Variants in FARS2 observed in about 807,000 individuals in gnomAD.
FARS2 encodes phenylalanyl-tRNA synthetase 2, mitochondrial, also known as phenylalanine--tRNA ligase, mitochondrial.
Under a neutral mutation model 46.4 loss-of-function variants are expected in FARS2, and 40 were observed. The ratio of observed to expected loss-of-function variants is 0.86; its 90% confidence interval spans 0.67 to 1.12. The LOEUF is 1.12. FARS2 is among the 50% of genes most tolerant of loss of function. The pLI is 0.00. For synonymous variants in FARS2, 234 were observed against 214.9 expected (o/e 1.09, Z -0.78); for missense variants, 513 against 567.9 (o/e 0.90, Z 0.98).
chr6:5,444,284 T>C (rs4628147), intron 4 of FARS2, among the ~76,000 whole-genome samples: 2,906 of 151,950 alleles, frequency 0.019, 94 homozygotes, highest in African/African-American at 0.066. Context: ...CTGACCAACA[T>C]GGTGAAGCCC....
chr6:5,431,722 T>C (rs547201699), intron 4 of FARS2: 8 of 531,210 alleles, frequency 1.5e-5, no homozygotes, highest in Non-Finnish European at 3.1e-5. Flanking sequence ...GATTGAATTC[T>C]ACGCATATCT....
At position 5,327,317 on chromosome 6, in the gene FARS2, A is replaced by G. The variant is rs147964728; in HGVS notation, c.-21-41233A>G. Reference sequence around the variant, plus strand: ...TATGAAGAGTTGAAACATCTAGGAAAGGCTATACTATAGATTTTGGAGATT... The same window carrying G: ...TATGAAGAGTTGAAACATCTAGGAAGGGCTATACTATAGATTTTGGAGATT... On this transcript the variant is annotated intron_variant, in intron 1 of 6. Coordinates refer to ENST00000274680, the MANE Select transcript of FARS2 (RefSeq NM_006567.5). Among the ~76,000 whole-genome samples the G allele has an allele frequency of 8.3e-4, 127 of 152,328 alleles. 3 individuals are homozygous for G. The East Asian group carries it at 0.022, about 26-fold the overall frequency.
intron 6 of FARS2, among the ~76,000 whole-genome samples, chr6:5,681,262 A>G (rs1195356310): frequency 1.3e-5 from 2 of 152,230 alleles, no homozygotes; most frequent in East Asian, 1.9e-4. Context: ...ACAAGGAACT[A>G]TTTTGCAGGT....
At chr6:5,636,334 G>T (rs776384343) in intron 6 of FARS2, among the ~76,000 whole-genome samples, 3 of 152,164 alleles carry the variant, frequency 2.0e-5, no homozygotes, top group Non-Finnish European at 4.4e-5. Context: ...TCGCTGTCTG[G>T]GGTGTCCACC....
intron 4 of FARS2, among the ~76,000 whole-genome samples, chr6:5,517,234 C>A (rs1306620809): frequency 1.3e-5 from 2 of 152,172 alleles, no homozygotes; most frequent in Non-Finnish European, 2.9e-5. Flanking sequence ...GCTAGAGCTA[C>A]GTTGTCCATA....
intron 6 of FARS2, among the ~76,000 whole-genome samples, chr6:5,694,607 C>T (rs997927007): frequency 3.3e-5 from 5 of 152,176 alleles, no homozygotes; most frequent in East Asian, 1.9e-4. Context: ...ATATTCAGCA[C>T]GACCTTCAAC....
chr6:5,370,023 G>A (rs944031793), intron 2 of FARS2, among the ~76,000 whole-genome samples: 1 of 152,086 alleles, frequency 6.6e-6, no homozygotes, highest in African/African-American at 2.4e-5. Flanking sequence ...TAAGCACAGG[G>A]TGTATTTCAT....
At chr6:5,521,471 C>T (rs982891172) in intron 4 of FARS2, among the ~76,000 whole-genome samples, 1 of 151,950 alleles carries the variant, frequency 6.6e-6, no homozygotes, top group African/African-American at 2.4e-5. Context: ...TGTCCCCATA[C>T]GGGTGCAGTG....
At chr6:5,640,430 C>T (rs139492559) in intron 6 of FARS2, among the ~76,000 whole-genome samples, 16 of 152,318 alleles carry the variant, frequency 1.1e-4, no homozygotes, top group African/African-American at 3.8e-4. Flanking sequence ...ACTCCCAGCC[C>T]GAGCTTCCCC....
intron 6 of FARS2, among the ~76,000 whole-genome samples, chr6:5,714,268 G>C (rs1759359093): frequency 6.6e-6 from 1 of 152,184 alleles, no homozygotes; most frequent in African/African-American, 2.4e-5. Context: ...TGGGATCCAG[G>C]GGACAGTGGG....
rs372334480 is a variant in FARS2 at position 5,501,144 on chromosome 6, C to T, written c.905-44036C>T. Among the ~76,000 whole-genome samples the T allele has an allele frequency of 3.9e-5, 6 of 152,062 alleles. No individual in the cohort carries two copies. In the East Asian group the frequency reaches 7.7e-4, roughly 20 times the overall value. On this transcript the variant is annotated intron_variant, in intron 4 of 6. Transcript: ENST00000274680. ...CAGATGTAAACATGATATGAATGAA[C>T]ATTGCCACTCGCCATCTAGTATCTA... is the stretch of plus-strand genomic sequence containing the variant.
chr6:5,435,848 T>A (rs1426927421), intron 4 of FARS2, among the ~76,000 whole-genome samples: 1 of 152,228 alleles, frequency 6.6e-6, no homozygotes, highest in African/African-American at 2.4e-5. Flanking sequence ...AATATCTTTT[T>A]AAAAGTGAAA....
intron 5 of FARS2, among the ~76,000 whole-genome samples, chr6:5,562,422 A>G (rs981679933): frequency 3.9e-5 from 6 of 152,122 alleles, no homozygotes; most frequent in Non-Finnish European, 8.8e-5. Context: ...GTGGCTTCCT[A>G]TAAAGCAGTA....
chr6:5,334,717 T>G (rs1005508616), intron 1 of FARS2, among the ~76,000 whole-genome samples: 3 of 152,230 alleles, frequency 2.0e-5, no homozygotes, highest in Non-Finnish European at 2.9e-5. Flanking sequence ...AAATATGTAA[T>G]AGTTTTGGGG....
At chr6:5,303,613 C>G (rs1308071119) in intron 1 of FARS2, among the ~76,000 whole-genome samples, 1 of 151,920 alleles carries the variant, frequency 6.6e-6, no homozygotes, top group African/African-American at 2.4e-5. Context: ...CTCCCCAAGC[C>G]CCCTGCTTCT....
At chr6:5,268,862 G>A (rs1765738584) in intron 1 of FARS2, among the ~76,000 whole-genome samples, 1 of 152,056 alleles carries the variant, frequency 6.6e-6, no homozygotes, top group Admixed American at 6.6e-5. Flanking sequence ...ATTTGTTTGT[G>A]TCCTCTTTTA....
intron 6 of FARS2, among the ~76,000 whole-genome samples, chr6:5,656,258 T>G (rs1215458537): frequency 6.6e-6 from 1 of 152,256 alleles, no homozygotes; most frequent in East Asian, 1.9e-4. Context: ...TCACTGGCTT[T>G]GCTGTGGAAG....
chr6:5,609,174 A>G (rs1168982650), intron 5 of FARS2: 7 of 925,888 alleles, frequency 7.6e-6, no homozygotes, highest in Non-Finnish European at 1.2e-5. Context: ...TGTAACCTGT[A>G]GCTTCCCTGA....
chr6:5,255,007 A>T, the FARS2 span, among the ~76,000 whole-genome samples: 1 of 152,234 alleles, frequency 6.6e-6, no homozygotes, highest in East Asian at 1.9e-4. Context: ...CTGCTCTGGT[A>T]ATGGTACCAG....
Sources: allele counts gnomAD v4.1 joint callset (sites outside exome capture counted in the v4.1 genomes callset), GRCh38; gene constraint gnomAD v4.1.1; transcripts MANE v1.5; gene names NCBI Gene and HGNC (gene_info 2026-07-23, HGNC 2026-07-21).